Variants in KIAA1549L observed in about 807,000 individuals in gnomAD.
KIAA1549L encodes KIAA1549 like.
A neutral mutation model predicts 160.7 loss-of-function variants in KIAA1549L; 88 were observed. That is an observed-to-expected ratio of 0.55 (90% CI 0.46 to 0.65). The LOEUF is 0.65. KIAA1549L is among the 30% of genes least tolerant of loss of function. The pLI, the probability that KIAA1549L is intolerant of heterozygous loss-of-function variation, is 0.00. For synonymous variants in KIAA1549L, 950 were observed against 976.7 expected (o/e 0.97, Z 0.51); for missense variants, 2,258 against 2,437.5 (o/e 0.93, Z 1.55).
At chr11:33,420,228 T>G (rs1025800011) in intron 1 of KIAA1549L, among the ~76,000 whole-genome samples, 1 of 73,100 alleles carries the variant, frequency 1.4e-5, no homozygotes, top group African/African-American at 5.3e-5. Context: ...CTCAAAGTTT[T>G]TTTTTTGTTT....
At chr11:33,600,285 T>C (rs983536091) in intron 13 of KIAA1549L, among the ~76,000 whole-genome samples, 9 of 152,188 alleles carry the variant, frequency 5.9e-5, no homozygotes, top group Admixed American at 2.6e-4. Flanking sequence ...CTAGAAATCC[T>C]GCCATCAGCT....
At position 33,618,561 on chromosome 11, in the gene KIAA1549L, A is replaced by C; in HGVS notation, c.5308A>C (p.Ser1770Arg). ...RQQMKNSVYR[S>R]RQSLNSPSPG... ...ACAGATGAAGAACTCTGTCTACAGA[A>C]GCCGGCAGTCTCTGAACAGCCCGAG... Residue 1770 changes from serine (S) to arginine (R), a missense_variant, in exon 16 of 21, where the codon AGC becomes CGC. Around this residue, in one of 6 missense-constraint regions of KIAA1549L, gnomAD observed 1,359 missense variants for 1,546.6 expected, o/e 0.88. Coordinates refer to ENST00000658780, the MANE Select transcript of KIAA1549L (RefSeq NM_012194.3). The C allele has an allele frequency of 6.2e-7, 1 of 1,610,216 alleles. No individual in the cohort carries two copies. The highest frequency in any genetic ancestry group is 8.5e-7 in the Non-Finnish European group (1 of 1,177,302).
chr11:33,485,305 A>AT (rs1852499026), intron 1 of KIAA1549L, among the ~76,000 whole-genome samples: 1 of 151,936 alleles, frequency 6.6e-6, no homozygotes, highest in Non-Finnish European at 1.5e-5. Context: ...TTCTTTTATT[A>AT]TTTTCTCTCA....
At chr11:33,407,717 T>G (rs1590224918) in intron 1 of KIAA1549L, among the ~76,000 whole-genome samples, 1 of 152,182 alleles carries the variant, frequency 6.6e-6, no homozygotes, top group East Asian at 1.9e-4. Context: ...AAGACTCTAA[T>G]GAGGGTTGGG....
rs1852303660 is a variant in KIAA1549L, at chr11:33,662,599, A to T, written c.6159+1585A>T. Among the ~76,000 whole-genome samples, 4 of 152,200 alleles carry T rather than the reference A, an allele frequency of 2.6e-5. 1 individual carries two copies. In the South Asian group the frequency reaches 8.3e-4, roughly 31 times the overall value. The stretch of plus-strand genomic sequence containing the variant: ...TCCACTTCATCTGAAAGTTATGCAG[A>T]CTTTTCAGAAAGTAGATGATGTTTA... On this transcript the variant is annotated intron_variant, in intron 20 of 20. Coordinates refer to ENST00000658780, the MANE Select transcript of KIAA1549L (RefSeq NM_012194.3).
At chr11:33,461,824 C>T (rs1008242504) in intron 1 of KIAA1549L, among the ~76,000 whole-genome samples, 9 of 152,094 alleles carry the variant, frequency 5.9e-5, no homozygotes, top group Admixed American at 5.9e-4. Flanking sequence ...ATTGAGGCAT[C>T]GAGAGATAGC....
rs1181761750 is a variant in KIAA1549L, at chr11:33,551,084, T to C, written c.3546T>C (p.Tyr1182=). The C allele has an allele frequency of 1.2e-6, 2 of 1,613,916 alleles. No individual in the cohort carries two copies. Among genetic ancestry groups the C allele is most frequent in the African/African-American group, 2.7e-5 (2 of 74,942 alleles). The part of the protein sequence containing the change: ...EYSHNVTVGY[Y]ATKGKLVYLP... The stretch of plus-strand genomic sequence containing the variant: ...CTCATAATGTCACAGTTGGTTATTA[T>C]GCTACCAAAGGGAAGTTGGTGTATT... The change falls in exon 5 of 21, where the codon TAT becomes TAC. Residue 1182 remains tyrosine, a synonymous_variant. Transcript: ENST00000658780.
intron 1 of KIAA1549L, among the ~76,000 whole-genome samples, chr11:33,476,271 G>A (rs1274002586): frequency 6.6e-6 from 1 of 152,108 alleles, no homozygotes; most frequent in Non-Finnish European, 1.5e-5. Context: ...ACATCGAGAT[G>A]AATGAATGGG....
At chr11:33,467,177 G>T (rs1229158885) in intron 1 of KIAA1549L, among the ~76,000 whole-genome samples, 2 of 152,028 alleles carry the variant, frequency 1.3e-5, no homozygotes, top group Non-Finnish European at 2.9e-5. Context: ...TGATTGACCT[G>T]CACTTGACAT....
intron 1 of KIAA1549L, among the ~76,000 whole-genome samples, chr11:33,383,647 C>T (rs972771259): frequency 3.9e-5 from 6 of 152,256 alleles, no homozygotes; most frequent in Admixed American, 6.5e-5. Context: ...TCAGGCAGCC[C>T]GTGGTCCAGG....
chr11:33,567,585 G>A (rs547904417), intron 8 of KIAA1549L, among the ~76,000 whole-genome samples: 1 of 152,334 alleles, frequency 6.6e-6, no homozygotes, highest in Admixed American at 6.5e-5. Context: ...GCAGGATGGA[G>A]CTCAAGCTGG....
chr11:33,486,396 G>C (rs969847484), intron 1 of KIAA1549L, among the ~76,000 whole-genome samples: 2 of 152,178 alleles, frequency 1.3e-5, no homozygotes, highest in Non-Finnish European at 1.5e-5. Context: ...ATCATACATT[G>C]CTTGGTTTTT....
At chr11:33,488,256 C>T (rs59986473) in intron 1 of KIAA1549L, among the ~76,000 whole-genome samples, 2,829 of 152,280 alleles carry the variant, frequency 0.019, 79 homozygotes, top group African/African-American at 0.062. Context: ...GTATTTATAT[C>T]TCCATGGCTT....
At position 33,636,415 on chromosome 11, in the gene KIAA1549L, C is replaced by T. The variant is rs546525236; in HGVS notation, c.5410-9271C>T. Among the ~76,000 whole-genome samples the T allele has an allele frequency of 2.1e-3, 305 of 142,840 alleles. 1 individual carries two copies. Among genetic ancestry groups the T allele is most frequent in the African/African-American group, 7.7e-3 (295 of 38,418 alleles). 93.7% of individuals were successfully genotyped at this position (142,840 alleles called of 152,430 possible). On this transcript the variant is annotated intron_variant, in intron 16 of 20. Coordinates refer to ENST00000658780, the MANE Select transcript of KIAA1549L (RefSeq NM_012194.3). ...CCAGGCTGGATTGCATTTGCGTAAT[C>T]ACGGCTCACTGCAACTTCCACCTCC...
At chr11:33,469,298 G>C (rs1354617575) in intron 1 of KIAA1549L, among the ~76,000 whole-genome samples, 1 of 152,024 alleles carries the variant, frequency 6.6e-6, no homozygotes, top group Non-Finnish European at 1.5e-5. Context: ...GGCCTTTTAT[G>C]TGTAGCTTCT....
At chr11:33,486,628 G>A (rs1455954393) in intron 1 of KIAA1549L, among the ~76,000 whole-genome samples, 1 of 151,644 alleles carries the variant, frequency 6.6e-6, no homozygotes, top group Non-Finnish European at 1.5e-5. Context: ...AATGATTTCT[G>A]ATAGAGACAC....
intron 15 of KIAA1549L, among the ~76,000 whole-genome samples, chr11:33,614,593 T>A (rs1325205007): frequency 8.1e-4 from 40 of 49,478 alleles, no homozygotes; most frequent in Non-Finnish European, 1.5e-3. Context: ...TATTTTTTTT[T>A]TTTTTTTTTT....
At position 33,648,140 on chromosome 11, in the gene KIAA1549L, G is replaced by A. The variant is rs186979243; in HGVS notation, c.5760+2104G>A. Reference sequence around the variant, plus strand: ...CTCCCGAGTAGCTGGGACTACAGGCGCATACCACCACACCCAGCTTTTTTT... The same window carrying A: ...CTCCCGAGTAGCTGGGACTACAGGCACATACCACCACACCCAGCTTTTTTT... On this transcript the variant is annotated intron_variant, in intron 17 of 20. Transcript: ENST00000658780. Among the ~76,000 whole-genome samples the A allele has an allele frequency of 1.4e-3, 215 of 151,550 alleles. 1 individual carries two copies. Among genetic ancestry groups the A allele is most frequent in the African/African-American group, 4.4e-3 (181 of 40,992 alleles).
At chr11:33,586,419 A>G (rs56375643) in intron 11 of KIAA1549L, among the ~76,000 whole-genome samples, 8,253 of 152,144 alleles carry the variant, frequency 0.054, 752 homozygotes, top group African/African-American at 0.19. Context: ...TTCTGCAGGT[A>G]GAATGGTGAA....
Sources: allele counts gnomAD v4.1 joint callset (sites outside exome capture counted in the v4.1 genomes callset), GRCh38; gene constraint gnomAD v4.1.1; regional missense constraint gnomAD v4.1.1; transcripts MANE v1.5; gene names NCBI Gene and HGNC (gene_info 2026-07-23, HGNC 2026-07-21).